RGS17: variants seen among roughly 807,000 people sequenced by gnomAD.
The protein encoded by RGS17 is regulator of G protein signaling 17, also known as regulator of G-protein signaling 17.
In RGS17, 12 loss-of-function variants were observed where a neutral mutation model predicts 25.5. The ratio of observed to expected loss-of-function variants is 0.47; its 90% CI spans 0.30 to 0.76. The LOEUF is 0.76. Among genes scored for constraint, RGS17 ranks in the 30% least tolerant of loss-of-function variants. RGS17 has a pLI of 0.07. For missense variants in RGS17, 196 were observed against 242.2 expected (o/e 0.81, Z 1.27); for synonymous variants, 71 against 76.9 (o/e 0.92, Z 0.40).
intron 4 of RGS17, among the ~76,000 whole-genome samples, chr6:153,024,050 A>G (rs672170): frequency 0.65 from 99,532 of 152,096 alleles, 32,941 homozygotes; most frequent in African/African-American, 0.75. Flanking sequence ...ACTACCACAC[A>G]AGTCAGCTAG....
At chr6:153,048,647 G>A (rs1029643988) in intron 1 of RGS17, among the ~76,000 whole-genome samples, 4 of 152,016 alleles carry the variant, frequency 2.6e-5, no homozygotes, top group Admixed American at 6.6e-5. Flanking sequence ...AGCCATGCTC[G>A]GTACAATTAC....
chr6:153,091,447 T>C (rs1294368217), intron 1 of RGS17, among the ~76,000 whole-genome samples: 1 of 152,140 alleles, frequency 6.6e-6, no homozygotes, highest in Non-Finnish European at 1.5e-5. Flanking sequence ...TATGCAAAGA[T>C]ATGACACTTA....
At chr6:153,128,182 C>T (rs1450709578) in intron 1 of RGS17, among the ~76,000 whole-genome samples, 2 of 152,176 alleles carry the variant, frequency 1.3e-5, no homozygotes, top group Non-Finnish European at 2.9e-5. Context: ...TTGGAAATGT[C>T]ATATAATTTT....
rs1275301231 is a variant in RGS17, at chr6:153,007,553, A to G, written c.*4021T>C. The G allele has an allele frequency of 6.6e-6, 1 of 152,012 alleles. No homozygotes were observed. Among genetic ancestry groups the G allele is most frequent in the Non-Finnish European group, 1.5e-5 (1 of 67,986 alleles). The allele number at this position is 152,012 out of a possible 1,614,324, so 9.4% of individuals were successfully genotyped here. A position where few individuals can be genotyped will look rare whatever the true frequency, so the allele number is the denominator to read the frequency against. The stretch of plus-strand genomic sequence containing the variant: ...ATACATGTTTGATAGGCTTCTATCT[A>G]TAGGCATTTTCTGTCTAAGACTTAA... On this transcript the variant is annotated 3_prime_UTR_variant, in exon 5 of 5. Coordinates refer to ENST00000206262, the MANE Select transcript of RGS17 (RefSeq NM_012419.5).
intron 1 of RGS17, among the ~76,000 whole-genome samples, chr6:153,094,917 C>CTA (rs1554243095): frequency 6.6e-6 from 1 of 151,498 alleles, no homozygotes; most frequent in Non-Finnish European, 1.5e-5. Context: ...TTTATAATTA[C>CTA]ATTCACAATA....
rs149716491 is a variant in RGS17, at chr6:153,048,675, C to T, written c.-25-4632G>A. On this transcript the variant is annotated intron_variant, in intron 1 of 4. Coordinates refer to ENST00000206262, the MANE Select transcript of RGS17 (RefSeq NM_012419.5). The stretch of plus-strand genomic sequence containing the variant: ...ACAATTACGTGTCAAGACCTTTGCA[C>T]TTGTTTCACACTTAGGGTTTCACTC... Among the ~76,000 whole-genome samples the T allele has an allele frequency of 4.6e-3, 700 of 152,306 alleles. 5 individuals carry two copies. The highest frequency in any genetic ancestry group is 0.016 in the African/African-American group (660 of 41,566).
intron 3 of RGS17, 112 bp downstream of exon 3, chr6:153,026,342 C>T (rs1323527234): frequency 1.6e-6 from 1 of 611,910 alleles, no homozygotes; most frequent in African/African-American, 1.9e-5. Context: ...GCATTCACTT[C>T]CCAAAATCAT....
At chr6:153,062,347 G>T (rs771835295) in intron 1 of RGS17, among the ~76,000 whole-genome samples, 1 of 152,160 alleles carries the variant, frequency 6.6e-6, no homozygotes, top group Non-Finnish European at 1.5e-5. Flanking sequence ...CACAACAATT[G>T]TAAGGCTTTG....
intron 1 of RGS17, among the ~76,000 whole-genome samples, chr6:153,079,065 T>C (rs1776930285): frequency 6.9e-6 from 1 of 145,984 alleles, no homozygotes; most frequent in African/African-American, 2.5e-5. Context: ...TAAAACAATG[T>C]TGAAAAGAAG....
At chr6:153,074,012 A>T (rs1365459210) in intron 1 of RGS17, among the ~76,000 whole-genome samples, 4 of 152,180 alleles carry the variant, frequency 2.6e-5, no homozygotes, top group Non-Finnish European at 5.9e-5. Context: ...CTAAAATAAG[A>T]AGGAAATGAA....
chr6:153,080,992 T>G (rs1167338940), intron 1 of RGS17, among the ~76,000 whole-genome samples: 1 of 152,136 alleles, frequency 6.6e-6, no homozygotes, highest in Non-Finnish European at 1.5e-5. Context: ...AATTTAGATT[T>G]TTTTAAATTT....
At chr6:153,020,171 T>TG (rs1298015787) in intron 4 of RGS17, among the ~76,000 whole-genome samples, 1 of 71,462 alleles carries the variant, frequency 1.4e-5, no homozygotes, top group Non-Finnish European at 2.6e-5. Flanking sequence ...TTTTTTTTTT[T>TG]GAGACAGAGT....
intron 1 of RGS17, among the ~76,000 whole-genome samples, chr6:153,070,790 CACAT>C (rs1417785091): frequency 1.3e-5 from 2 of 150,514 alleles, no homozygotes; most frequent in Admixed American, 1.3e-4. Flanking sequence ...TACATATATA[CACAT>C]ACATATACAT....
At chr6:153,074,819 C>T (rs1469090233) in intron 1 of RGS17, among the ~76,000 whole-genome samples, 2 of 152,166 alleles carry the variant, frequency 1.3e-5, no homozygotes, top group Non-Finnish European at 2.9e-5. Context: ...TATTTACTGA[C>T]TGACTGGTAG....
At chr6:153,123,809 C>A (rs192850363) in intron 1 of RGS17, among the ~76,000 whole-genome samples, 1 of 152,174 alleles carries the variant, frequency 6.6e-6, no homozygotes, top group South Asian at 2.1e-4. Context: ...CCTACACCAG[C>A]GTTTTAGAAT....
chr6:153,082,284 T>C (rs1331430727), intron 1 of RGS17, among the ~76,000 whole-genome samples: 5 of 152,218 alleles, frequency 3.3e-5, no homozygotes, highest in African/African-American at 7.2e-5. Context: ...TGTTGGCTAT[T>C]AGTTCTTCAA....
chr6:153,059,610 A>G lies in RGS17; in HGVS notation c.-25-15567T>C, dbSNP rs559002988. On this transcript the variant is annotated intron_variant, in intron 1 of 4. Transcript: ENST00000206262. The stretch of plus-strand genomic sequence containing the variant: ...CTTCACTCAGTAATTGTAAGGAATA[A>G]AAGAAACCCTATTTATTGCTAGTTT... Among the ~76,000 whole-genome samples, 40 of 152,314 alleles carry G rather than the reference A, an allele frequency of 2.6e-4. No individual in the cohort carries two copies. In the South Asian group the frequency reaches 7.9e-3, roughly 30 times the overall value.
chr6:153,127,275 G>T (rs1271615362), intron 1 of RGS17, among the ~76,000 whole-genome samples: 1 of 152,166 alleles, frequency 6.6e-6, no homozygotes, highest in African/African-American at 2.4e-5. Context: ...TGCAGCTCAG[G>T]GGTTGGGGAC....
chr6:153,083,526 G>T (rs1777011481), intron 1 of RGS17, among the ~76,000 whole-genome samples: 1 of 152,166 alleles, frequency 6.6e-6, no homozygotes, highest in Non-Finnish European at 1.5e-5. Context: ...TGGCAGAGTG[G>T]TAAGTCTGTT....
Sources: gnomAD v4.1 joint callset for allele counts (sites outside exome capture counted in the v4.1 genomes callset) on GRCh38, gnomAD v4.1.1 for gene constraint, MANE v1.5 for transcripts, NCBI Gene and HGNC (gene_info 2026-07-23, HGNC 2026-07-21) for gene names.